The following RAD51B variants were observed in gnomAD, a reference collection of about 807,000 sequenced individuals.
RAD51B encodes the protein RAD51 paralog B.
RAD51B carries 38 observed loss-of-function variants against 42.2 expected under a neutral mutation model. The observed-to-expected ratio is 0.90, with a 90% CI of 0.70 to 1.18. RAD51B has a LOEUF of 1.18. RAD51B is among the 50% of genes most tolerant of loss of function. The pLI, the probability that RAD51B is intolerant of heterozygous loss-of-function variation, is 0.00. For synonymous variants in RAD51B, 154 were observed against 145.2 expected, an observed-to-expected ratio of 1.06 and a Z score of -0.43; for missense variants, 373 against 400.7, an observed-to-expected ratio of 0.93 and a Z score of 0.59.
intron 7 of RAD51B, among the ~76,000 whole-genome samples, chr14:68,229,267 A>G (rs1228071104): frequency 2.0e-5 from 3 of 152,182 alleles, no homozygotes; most frequent in Admixed American, 6.5e-5. Context: ...TCAAGCTAAC[A>G]TGTTTTTGAT....
chr14:68,228,352 C>T (rs144427004), intron 7 of RAD51B, among the ~76,000 whole-genome samples: 67 of 152,224 alleles, frequency 4.4e-4, no homozygotes, highest in African/African-American at 1.2e-3. Flanking sequence ...ATTTTATTAG[C>T]TTAATGAAAC....
At chr14:68,592,273 GTGTGTGTGTGTGTA>G (rs1303677418) in intron 10 of RAD51B, among the ~76,000 whole-genome samples, 8 of 151,730 alleles carry the variant, frequency 5.3e-5, no homozygotes, top group African/African-American at 1.9e-4. Flanking sequence ...GTGTGTGTGT[GTGTGTGTGTGTGTA>G]TGTGTGTGTA....
At chr14:68,457,375 A>C (rs1284632523) in intron 9 of RAD51B, among the ~76,000 whole-genome samples, 1 of 152,188 alleles carries the variant, frequency 6.6e-6, no homozygotes, top group Non-Finnish European at 1.5e-5. Context: ...AAAATACAAC[A>C]TATCAAAGCT....
At chr14:68,229,105 G>T (rs1237195401) in intron 7 of RAD51B, among the ~76,000 whole-genome samples, 1 of 152,172 alleles carries the variant, frequency 6.6e-6, no homozygotes, top group Non-Finnish European at 1.5e-5. Flanking sequence ...AAATTAACAG[G>T]CACCTTTGAG....
chr14:67,949,493 T>G (rs2074402639), intron 7 of RAD51B, among the ~76,000 whole-genome samples: 1 of 152,214 alleles, frequency 6.6e-6, no homozygotes, highest in Non-Finnish European at 1.5e-5. Context: ...TGAGTTCTCT[T>G]GCTATTTGTA....
chr14:67,944,941 T>G (rs2045339069), intron 7 of RAD51B, among the ~76,000 whole-genome samples: 1 of 152,158 alleles, frequency 6.6e-6, no homozygotes, highest in African/African-American at 2.4e-5. Context: ...TCATTGTGAT[T>G]GTTGGATAAG....
intron 11 of RAD51B, among the ~76,000 whole-genome samples, chr14:68,667,351 C>T (rs779425823): frequency 5.9e-5 from 9 of 152,254 alleles, no homozygotes; most frequent in Non-Finnish European, 1.0e-4. Context: ...AGCCTTTGCT[C>T]TTCAGGCCTT....
intron 7 of RAD51B, among the ~76,000 whole-genome samples, chr14:67,902,290 A>G (rs1235166859): frequency 6.6e-6 from 1 of 152,094 alleles, no homozygotes; most frequent in East Asian, 1.9e-4. Flanking sequence ...GCACTTTCAT[A>G]TATAATAATT....
intron 7 of RAD51B, among the ~76,000 whole-genome samples, chr14:68,150,607 T>C (rs11846084): frequency 0.016 from 2,390 of 152,320 alleles, 70 homozygotes; most frequent in African/African-American, 0.052. Flanking sequence ...AATTTCAAAT[T>C]CCAATTGCTC....
At position 68,537,236 on chromosome 14, in the gene RAD51B, C is replaced by T. The variant is rs535349413; in HGVS notation, c.1037-57249C>T. On this transcript the variant is annotated intron_variant, in intron 10 of 10. Transcript: ENST00000487270. ...AACCATGGCCAGTCGCAGTGGCTCACGCCTGTAATCCCAGCATTTTGGGAG... is the reference window on the plus strand; with the variant it reads ...AACCATGGCCAGTCGCAGTGGCTCATGCCTGTAATCCCAGCATTTTGGGAG... Among the ~76,000 whole-genome samples the T allele has an allele frequency of 6.6e-3, 990 of 151,102 alleles. 7 individuals carry two copies. Among genetic ancestry groups the T allele is most frequent in the Middle Eastern group, 0.025 (7 of 282 alleles).
intron 7 of RAD51B, among the ~76,000 whole-genome samples, chr14:68,071,980 T>C (rs1460237689): frequency 6.8e-6 from 1 of 146,974 alleles, no homozygotes; most frequent in Non-Finnish European, 1.5e-5. Context: ...TCTGCTTCAA[T>C]CTTGGGATGT....
chr14:67,919,814 T>C (rs1462534457), intron 7 of RAD51B, among the ~76,000 whole-genome samples: 1 of 152,212 alleles, frequency 6.6e-6, no homozygotes, highest in East Asian at 1.9e-4. Context: ...TCTCTGCTGC[T>C]AGATCACCCA....
chr14:68,297,873 G>A (rs887346308), intron 8 of RAD51B, among the ~76,000 whole-genome samples: 7 of 152,208 alleles, frequency 4.6e-5, no homozygotes, highest in Admixed American at 1.3e-4. Context: ...CCCCTCCCGT[G>A]AAGTTTTAAA....
At chr14:68,008,161 T>C (rs72725156) in intron 7 of RAD51B, among the ~76,000 whole-genome samples, 20,072 of 151,848 alleles carry the variant, frequency 0.13, 1,524 homozygotes, top group Middle Eastern at 0.29. Flanking sequence ...ATAATCATTA[T>C]TTTGCATATA....
At chr14:68,114,502 T>A (rs191783809) in intron 7 of RAD51B, among the ~76,000 whole-genome samples, 183 of 152,200 alleles carry the variant, frequency 1.2e-3, no homozygotes, top group African/African-American at 4.1e-3. Flanking sequence ...CAGATACATA[T>A]GATGGTTTCT....
rs368988788 is a variant in RAD51B at position 68,661,221 on chromosome 14, G to A, written c.*11+10365G>A. Among the ~76,000 whole-genome samples, 21 of 152,314 alleles carry A rather than the reference G, an allele frequency of 1.4e-4. No homozygotes were observed. In the East Asian group the frequency reaches 2.7e-3, roughly 20 times the overall value. ...TTGTGCTCCTTGCAAGGAAAGGAAC[G>A]GAAAGGGAACCAACTCTGAGATTCC... On this transcript the variant is annotated intron_variant, in intron 11 of 11. Coordinates refer to the RAD51B transcript ENST00000488612.
chr14:67,849,813 C>A (rs1426277330), intron 4 of RAD51B, among the ~76,000 whole-genome samples: 1 of 151,956 alleles, frequency 6.6e-6, no homozygotes, highest in Non-Finnish European at 1.5e-5. Context: ...TCAGTCTTTT[C>A]TTTTATATCT....
chr14:68,528,767 A>T (rs190910493), intron 10 of RAD51B, among the ~76,000 whole-genome samples: 54 of 63,346 alleles, frequency 8.5e-4, no homozygotes, highest in Middle Eastern at 8.5e-3. Context: ...GGGTTACTTA[A>T]TACTTATTCT....
chr14:68,065,222 G>C (rs569948098), intron 7 of RAD51B, among the ~76,000 whole-genome samples: 5 of 152,242 alleles, frequency 3.3e-5, no homozygotes, highest in African/African-American at 1.2e-4. Flanking sequence ...TTCTTCAGCT[G>C]TAGTCAGTGT....
Sources: allele counts gnomAD v4.1 joint callset (sites outside exome capture counted in the v4.1 genomes callset), GRCh38; gene constraint gnomAD v4.1.1; transcripts MANE v1.5; gene names NCBI Gene and HGNC (gene_info 2026-07-23, HGNC 2026-07-21).